Variants in WDPCP observed in about 807,000 individuals in gnomAD.
The protein encoded by WDPCP is WD repeat-containing and planar cell polarity effector protein fritz homolog.
In WDPCP, 71 loss-of-function variants were observed where a neutral mutation model predicts 93.1. The observed-to-expected ratio is 0.76, with a 90% CI of 0.63 to 0.93. The LOEUF is 0.93. Ranked by LOEUF, WDPCP falls within the 40% of genes least tolerant of loss-of-function variation. The pLI is 0.00. For synonymous variants in WDPCP, 315 were observed against 315.0 expected, an observed-to-expected ratio of 1.00 and a Z score of 0.00; for missense variants, 844 against 887.4, an observed-to-expected ratio of 0.95 and a Z score of 0.62.
At chr2:63,411,378 A>G (rs190565432) in intron 9 of WDPCP, among the ~76,000 whole-genome samples, 23 of 152,294 alleles carry the variant, frequency 1.5e-4, no homozygotes, top group Non-Finnish European at 2.6e-4. Context: ...GATACAGCAA[A>G]GGTGGTGCTA....
chr2:63,220,985 A>G (rs1677776832), intron 14 of WDPCP, among the ~76,000 whole-genome samples: 1 of 152,154 alleles, frequency 6.6e-6, no homozygotes, highest in South Asian at 2.1e-4. Context: ...TTAGTTTGCT[A>G]AGGATAATGG....
chr2:63,551,769 C>G (rs142794302), intron 1 of WDPCP, among the ~76,000 whole-genome samples: 1 of 151,938 alleles, frequency 6.6e-6, no homozygotes, highest in Non-Finnish European at 1.5e-5. Flanking sequence ...CTTTTGTTTT[C>G]TAAAACCAAA....
intron 2 of WDPCP, among the ~76,000 whole-genome samples, chr2:63,676,729 T>C (rs1328016750): frequency 6.6e-6 from 1 of 152,022 alleles, no homozygotes; most frequent in African/African-American, 2.4e-5. Context: ...TATAGTTGAG[T>C]ATCTCATTTG....
intron 1 of WDPCP, among the ~76,000 whole-genome samples, chr2:63,545,384 GA>G (rs886627971): frequency 1.6e-4 from 24 of 150,932 alleles, no homozygotes; most frequent in African/African-American, 5.4e-4. Context: ...GAAAGAGAAA[GA>G]AAAAAAGAGA....
intron 10 of WDPCP, among the ~76,000 whole-genome samples, chr2:63,398,084 T>C (rs957840604): frequency 2.0e-5 from 3 of 152,086 alleles, no homozygotes; most frequent in African/African-American, 7.2e-5. Flanking sequence ...AGGAAGGGAT[T>C]CTTTTTCACT....
chr2:63,232,344 C>T (rs552177288), intron 14 of WDPCP: 6 of 152,298 alleles, frequency 3.9e-5, no homozygotes, highest in African/African-American at 1.4e-4. Context: ...TTCCAGCATA[C>T]AGAGTTTCTT....
intron 1 of WDPCP, chr2:63,827,593 T>C (rs563471856): frequency 6.6e-6 from 1 of 152,266 alleles, no homozygotes; most frequent in Admixed American, 6.5e-5. Flanking sequence ...TAAAATGGCC[T>C]AAACGAATAA....
At chr2:63,612,350 G>A (rs1434253493) in intron 3 of WDPCP, among the ~76,000 whole-genome samples, 25 of 152,194 alleles carry the variant, frequency 1.6e-4, no homozygotes. Flanking sequence ...TATTGGGTTT[G>A]TAGGGGATCG....
At chr2:63,802,281 T>TAAAAAAAAAAAAAAA (rs58717654) in intron 2 of WDPCP, among the ~76,000 whole-genome samples, 2 of 54,404 alleles carry the variant, frequency 3.7e-5, no homozygotes, top group Non-Finnish European at 3.5e-5. Flanking sequence ...CCCTCTCTCT[T>TAAAAAAAAAAAAAAA]AAAAAAAAAA....
chr2:63,583,556 C>T (rs1320078315), intron 1 of WDPCP, among the ~76,000 whole-genome samples: 1 of 151,972 alleles, frequency 6.6e-6, no homozygotes, highest in Non-Finnish European at 1.5e-5. Flanking sequence ...TGGCACGTGC[C>T]TGTAGTCCCA....
At chr2:63,291,473 T>C (rs1684414634) in intron 13 of WDPCP, among the ~76,000 whole-genome samples, 4 of 152,148 alleles carry the variant, frequency 2.6e-5, no homozygotes, top group Non-Finnish European at 4.4e-5. Context: ...TGATGGTGTT[T>C]TTGTGTCTCT....
chr2:63,762,442 T>C (rs1170931587), intron 2 of WDPCP, among the ~76,000 whole-genome samples: 2 of 152,216 alleles, frequency 1.3e-5, no homozygotes, highest in Non-Finnish European at 2.9e-5. Flanking sequence ...AAACTGGGCA[T>C]TTTTGGTTTG....
intron 1 of WDPCP, among the ~76,000 whole-genome samples, chr2:63,821,855 C>A (rs184467591): frequency 1.3e-5 from 2 of 152,094 alleles, no homozygotes; most frequent in Non-Finnish European, 2.9e-5. Flanking sequence ...AATACACACA[C>A]AAACGCACAC....
intron 2 of WDPCP, among the ~76,000 whole-genome samples, chr2:63,739,274 G>T (rs1409039573): frequency 6.6e-6 from 1 of 152,018 alleles, no homozygotes; most frequent in Non-Finnish European, 1.5e-5. Context: ...AAGAACATGT[G>T]GTATTTAGTT....
chr2:63,129,680 CTTA>C, intron 17 of WDPCP, among the ~76,000 whole-genome samples: 1 of 152,176 alleles, frequency 6.6e-6, no homozygotes, highest in African/African-American at 2.4e-5. Context: ...TTATTTGTCA[CTTA>C]TTATATATGT....
At chr2:63,795,787 C>T (rs1670606109) in intron 2 of WDPCP, among the ~76,000 whole-genome samples, 1 of 152,138 alleles carries the variant, frequency 6.6e-6, no homozygotes. Flanking sequence ...GTATGTGTGG[C>T]AGGATAGTAT....
At chr2:63,238,758 A>G (rs1449440447) in intron 14 of WDPCP, among the ~76,000 whole-genome samples, 1 of 152,152 alleles carries the variant, frequency 6.6e-6, no homozygotes, top group Non-Finnish European at 1.5e-5. Flanking sequence ...CAGTTCTTGT[A>G]TTTGTAGAAT....
chr2:63,300,457 G>A (rs956933678), intron 13 of WDPCP, among the ~76,000 whole-genome samples: 1 of 152,142 alleles, frequency 6.6e-6, no homozygotes, highest in Non-Finnish European at 1.5e-5. Context: ...GGGACTGAAA[G>A]AAGTCCTAGG....
In WDPCP at chr2:63,120,241, G is replaced by A. The variant is rs1424469413; in HGVS notation, c.*1765C>T. ...TTTTGATTATCTGTGTGATAAAGAA[G>A]GTTGGGAATAGGAGAATGAAAATTT... On this transcript the variant is annotated 3_prime_UTR_variant, in exon 18 of 18. Coordinates refer to ENST00000272321, the MANE Select transcript of WDPCP (RefSeq NM_015910.7). Among the ~76,000 whole-genome samples the A allele has an allele frequency of 4.6e-5, 7 of 152,198 alleles. No homozygotes were observed. Among genetic ancestry groups the A allele is most frequent in the Non-Finnish European group, 1.0e-4 (7 of 68,012 alleles).
Sources: allele counts gnomAD v4.1 joint callset (sites outside exome capture counted in the v4.1 genomes callset), GRCh38; gene constraint gnomAD v4.1.1; transcripts MANE v1.5; gene names NCBI Gene and HGNC (gene_info 2026-07-23, HGNC 2026-07-21).